Variants in PRIM2 observed in about 807,000 individuals in gnomAD.
PRIM2 encodes DNA primase subunit 2, also known as DNA primase large subunit.
PRIM2 carries 39 observed loss-of-function variants against 67.3 expected under a neutral mutation model. That is an observed-to-expected ratio of 0.58 (90% CI 0.45 to 0.76). The LOEUF (loss-of-function observed/expected upper bound fraction) is 0.76, where lower values mean the gene tolerates loss of function less well. Ranked by LOEUF, PRIM2 falls within the 30% of genes least tolerant of loss-of-function variation. PRIM2 has a pLI of 0.00. For synonymous variants in PRIM2, 143 were observed against 198.7 expected, an observed-to-expected ratio of 0.72 and a Z score of 2.36; for missense variants, 398 against 598.7, an observed-to-expected ratio of 0.66 and a Z score of 3.50.
intron 10 of PRIM2, among the ~76,000 whole-genome samples, chr6:57,549,352 A>T (rs1775354614): frequency 2.0e-5 from 3 of 152,204 alleles, no homozygotes; most frequent in South Asian, 2.1e-4. Flanking sequence ...GTGGCACATG[A>T]TCAAACCTGG....
chr6:57,406,874 C>T lies in PRIM2; in HGVS notation c.693+24706C>T, dbSNP rs1245819765. 3.3e-5 allele frequency among the ~76,000 whole-genome samples: 5 copies of T among 151,908 alleles called. No homozygotes were observed. In the East Asian group the frequency reaches 7.7e-4, roughly 23 times the overall value. On this transcript the variant is annotated intron_variant, in intron 7 of 13. Transcript: ENST00000615550. ...ACTTATGCTCTGGTTGCGGTTGTCC[C>T]TTGTGGCACTATGATTTTGTTCATG...
chr6:57,496,875 A>G (rs1227394621), intron 7 of PRIM2, among the ~76,000 whole-genome samples: 1 of 152,178 alleles, frequency 6.6e-6, no homozygotes, highest in Non-Finnish European at 1.5e-5. Flanking sequence ...AGTGGTAGTC[A>G]CATGAAATGA....
At chr6:57,226,260 T>C in the PRIM2 span, among the ~76,000 whole-genome samples, 1 of 152,194 alleles carries the variant, frequency 6.6e-6, no homozygotes, top group Non-Finnish European at 1.5e-5. Context: ...ATAACTGGTA[T>C]GATGGAAGCA....
At chr6:57,504,715 A>G (rs1417284896) in intron 7 of PRIM2, among the ~76,000 whole-genome samples, 1 of 152,216 alleles carries the variant, frequency 6.6e-6, no homozygotes, top group Non-Finnish European at 1.5e-5. Flanking sequence ...AAAAAAAATT[A>G]AAACATAGTT....
chr6:57,346,743 T>C (rs1768690971), intron 5 of PRIM2, among the ~76,000 whole-genome samples: 1 of 152,164 alleles, frequency 6.6e-6, no homozygotes, highest in African/African-American at 2.4e-5. Flanking sequence ...CTAGGTCAGA[T>C]TGCCTTATCC....
chr6:57,464,555 A>G (rs1184548113), intron 7 of PRIM2, among the ~76,000 whole-genome samples: 4 of 152,180 alleles, frequency 2.6e-5, no homozygotes, highest in Admixed American at 2.0e-4. Context: ...GATTACAGGC[A>G]TGAGCCACCA....
the PRIM2 span, among the ~76,000 whole-genome samples, chr6:57,268,555 C>A: frequency 1.3e-5 from 2 of 151,990 alleles, no homozygotes; most frequent in South Asian, 4.2e-4. Context: ...AATTCTGATG[C>A]ACTAGGTTCT....
chr6:57,358,890 G>A (rs549366258), intron 5 of PRIM2, among the ~76,000 whole-genome samples: 2 of 152,324 alleles, frequency 1.3e-5, no homozygotes, highest in Admixed American at 1.3e-4. Context: ...TCATTGAGAA[G>A]TGGGATCTAT....
chr6:57,244,694 G>A, the PRIM2 span, among the ~76,000 whole-genome samples: 2 of 152,102 alleles, frequency 1.3e-5, no homozygotes, highest in East Asian at 1.9e-4. Flanking sequence ...CCGAGTGGCA[G>A]GGGTTGAGGT....
In PRIM2 at chr6:57,324,098, T is replaced by C. The variant is rs536631688; in HGVS notation, c.259-103T>C. ...GACCCCATCTCTAAAAAAAGAAATG[T>C]TTTTGAAACTTACTTTACCATTGGC... is the stretch of plus-strand genomic sequence containing the variant. On this transcript the variant is annotated intron_variant, in intron 3 of 13. Coordinates refer to ENST00000615550, the MANE Select transcript of PRIM2 (RefSeq NM_000947.5). 23 of 647,082 alleles carry C rather than the reference T, an allele frequency of 3.6e-5. No individual in the cohort carries two copies. The East Asian group carries it at 6.5e-4, about 18-fold the overall frequency. The allele number at this position is 647,082 out of a possible 1,614,324, so 40.1% of individuals were successfully genotyped here. A position where few individuals can be genotyped will look rare whatever the true frequency, so the allele number is the denominator to read the frequency against.
intron 5 of PRIM2, among the ~76,000 whole-genome samples, chr6:57,373,417 G>C (rs1173047714): frequency 3.3e-5 from 5 of 151,800 alleles, no homozygotes; most frequent in African/African-American, 1.2e-4. Flanking sequence ...TGTTTACTCT[G>C]TTGATAGATT....
chr6:57,630,881 A>T (rs1328559825), intron 12 of PRIM2, among the ~76,000 whole-genome samples: 1 of 152,208 alleles, frequency 6.6e-6, no homozygotes, highest in African/African-American at 2.4e-5. Context: ...AAAATGAAGA[A>T]AGTCTCATTT....
chr6:57,496,568 T>C (rs1347354087), intron 7 of PRIM2, among the ~76,000 whole-genome samples: 2 of 152,226 alleles, frequency 1.3e-5, no homozygotes, highest in Admixed American at 6.5e-5. Flanking sequence ...TGTGCAAGAT[T>C]CATGCTTACA....
chr6:57,273,998 C>T, the PRIM2 span, among the ~76,000 whole-genome samples: 11 of 152,270 alleles, frequency 7.2e-5, no homozygotes, highest in Admixed American at 2.0e-4. Flanking sequence ...ATTTTGTCTC[C>T]GAGGAGTACC....
rs1382017134 is a variant in PRIM2 at position 57,607,847 on chromosome 6, T to C, written c.1230+1390T>C. On this transcript the variant is annotated intron_variant, in intron 12 of 13. Coordinates refer to ENST00000615550, the MANE Select transcript of PRIM2 (RefSeq NM_000947.5). Reference sequence around the variant, plus strand: ...TGTGGATTTAGGGCATTAGATAATTTAGGACTAGAAATCTGATGGTCTTTT... The same window carrying C: ...TGTGGATTTAGGGCATTAGATAATTCAGGACTAGAAATCTGATGGTCTTTT... Among the ~76,000 whole-genome samples, 1,010 of 152,274 alleles carry C rather than the reference T, an allele frequency of 6.6e-3. 9 individuals are homozygous for C. The highest frequency in any genetic ancestry group is 0.022 in the African/African-American group (925 of 41,546).
At chr6:57,444,436 G>A (rs112314560) in intron 7 of PRIM2, among the ~76,000 whole-genome samples, 41 of 151,994 alleles carry the variant, frequency 2.7e-4, no homozygotes, top group Middle Eastern at 6.8e-3. Context: ...GTGTAGTGGC[G>A]CACGCCTGTA....
intron 11 of PRIM2, among the ~76,000 whole-genome samples, chr6:57,601,911 C>A (rs1776474532): frequency 6.6e-6 from 1 of 151,868 alleles, no homozygotes; most frequent in South Asian, 2.1e-4. Context: ...TGCTAAAGAT[C>A]AAATAATCAT....
At chr6:57,258,387 A>T in the PRIM2 span, among the ~76,000 whole-genome samples, 1 of 149,852 alleles carries the variant, frequency 6.7e-6, no homozygotes, top group Non-Finnish European at 1.5e-5. Context: ...ATGAGGTTTA[A>T]AAAAAAAAGG....
At chr6:57,610,612 C>T (rs1262576085) in intron 12 of PRIM2, among the ~76,000 whole-genome samples, 3 of 151,640 alleles carry the variant, frequency 2.0e-5, no homozygotes, top group Non-Finnish European at 4.4e-5. Context: ...ATTTATTCTC[C>T]TCTCCTCCCC....
Sources: allele counts gnomAD v4.1 joint callset (sites outside exome capture counted in the v4.1 genomes callset), GRCh38; gene constraint gnomAD v4.1.1; transcripts MANE v1.5; gene names NCBI Gene and HGNC (gene_info 2026-07-23, HGNC 2026-07-21).